Variants in C16orf46 observed in about 807,000 individuals in gnomAD.
C16orf46 encodes the protein uncharacterized protein C16orf46.
A neutral mutation model predicts 5.5 loss-of-function variants in C16orf46; 7 were observed. The observed-to-expected ratio is 1.28, with a 90% CI of 0.73 to 2.40. C16orf46 has a LOEUF of 2.40. C16orf46 is among the 30% of genes most tolerant of loss of function. The pLI is 0.00. For missense variants in C16orf46, 614 were observed against 476.0 expected, an observed-to-expected ratio of 1.29 and a Z score of -2.70; for synonymous variants, 200 against 184.1, an observed-to-expected ratio of 1.09 and a Z score of -0.70.
At chr16:81,063,415 G>A (rs1326814597) in intron 3 of C16orf46, among the ~76,000 whole-genome samples, 1 of 152,086 alleles carries the variant, frequency 6.6e-6, no homozygotes, top group Non-Finnish European at 1.5e-5. Flanking sequence ...GGGTGATCTC[G>A]AGCATGTAAC....
chr16:81,062,943 T>C (rs1347688616), intron 3 of C16orf46, among the ~76,000 whole-genome samples: 2 of 150,260 alleles, frequency 1.3e-5, no homozygotes, highest in African/African-American at 4.9e-5. Context: ...ATTCTATGAA[T>C]TGTTTAAGAG....
exon 4 of C16orf46, chr16:81,053,833 T>A (rs975787493): frequency 6.3e-6 from 3 of 477,350 alleles, no homozygotes; most frequent in Non-Finnish European, 1.1e-5. Flanking sequence ...CCTCTGCATA[T>A]AACCTCTTTT....
Position 81,061,443 on chromosome 16 carries a change from G to A in C16orf46, c.906C>T (p.Ser302=). Reference sequence around the variant, plus strand: ...ACGCCAGGTTTTTCTCAGACAGGAGGGACCAATGCAGGCAGCGCTGCTCCG... The same window carrying A: ...ACGCCAGGTTTTTCTCAGACAGGAGAGACCAATGCAGGCAGCGCTGCTCCG... ...TDPEQRCLHW[S]LLSEKNLACP... is the part of the protein sequence containing the mutation. Residue 302 remains serine, a synonymous_variant, in exon 4 of 4, where the codon TCC becomes TCT. Transcript: ENST00000299578. 1 of 1,614,140 alleles carries A rather than the reference G, an allele frequency of 6.2e-7. No individual in the cohort carries two copies. Among genetic ancestry groups the A allele is most frequent in the Middle Eastern group, 1.6e-4 (1 of 6,062 alleles).
downstream of C16orf46, chr16:81,060,793 C>T (rs188843093): frequency 2.2e-5 from 5 of 224,206 alleles, no homozygotes; most frequent in South Asian, 4.0e-4. Flanking sequence ...GGCTGACGTG[C>T]GGCCAGCATG....
At chr16:81,056,012 C>T (rs951002246), downstream of C16orf46, 13 of 152,196 alleles carry the variant, frequency 8.5e-5, no homozygotes, top group South Asian at 6.2e-4. Flanking sequence ...GCCACAATGC[C>T]CAGCCAACTG....
chr16:81,068,699 G>A (rs1476683213), intron 1 of C16orf46, among the ~76,000 whole-genome samples: 1 of 147,332 alleles, frequency 6.8e-6, no homozygotes, highest in African/African-American at 2.5e-5. Flanking sequence ...GCCTTTCTTT[G>A]TAACATATAT....
downstream of C16orf46, among the ~76,000 whole-genome samples, chr16:81,059,528 G>A (rs933092331): frequency 2.0e-5 from 3 of 151,972 alleles, no homozygotes; most frequent in Non-Finnish European, 2.9e-5. Context: ...ATCACAGAAC[G>A]GTTCATCAGA....
At chr16:81,068,212 T>C (rs1489630659) in intron 1 of C16orf46, among the ~76,000 whole-genome samples, 2 of 152,182 alleles carry the variant, frequency 1.3e-5, no homozygotes, top group South Asian at 2.1e-4. Flanking sequence ...AACCAATCTA[T>C]AGAGTATGAA....
intron 1 of C16orf46, among the ~76,000 whole-genome samples, chr16:81,067,678 G>T (rs144263795): frequency 6.6e-6 from 1 of 151,914 alleles, no homozygotes; most frequent in South Asian, 2.1e-4. Flanking sequence ...TCAGCCTCCC[G>T]AGTAGCTGGG....
downstream of C16orf46, among the ~76,000 whole-genome samples, chr16:81,057,516 C>A (rs1971333784): frequency 7.1e-6 from 1 of 140,964 alleles, no homozygotes; most frequent in Admixed American, 7.4e-5. Context: ...GCCAGCCTGG[C>A]CCACAGAGGA....
downstream of C16orf46, among the ~76,000 whole-genome samples, chr16:81,060,090 A>C (rs1360053938): frequency 6.6e-6 from 1 of 151,774 alleles, no homozygotes; most frequent in African/African-American, 2.4e-5. Flanking sequence ...GCCCGGCCCC[A>C]AAAAGTAATT....
intron 1 of C16orf46, among the ~76,000 whole-genome samples, chr16:81,067,184 T>C (rs888163353): frequency 1.3e-5 from 2 of 152,110 alleles, no homozygotes; most frequent in Non-Finnish European, 2.9e-5. Context: ...ATCCAGAAAA[T>C]ACCTTTTCTA....
At chr16:81,076,910 C>T (rs1350180286) in intron 1 of C16orf46, 2 of 152,360 alleles carry the variant, frequency 1.3e-5, no homozygotes, top group Admixed American at 6.5e-5. Context: ...GAATTCCTCC[C>T]CGTCCTCCGT....
intron 1 of C16orf46, among the ~76,000 whole-genome samples, chr16:81,070,209 AAAG>A (rs1464244040): frequency 7.2e-5 from 11 of 152,216 alleles, no homozygotes; most frequent in African/African-American, 1.4e-4. Flanking sequence ...TTGAAAGGTT[AAAG>A]AAGAAGTTGT....
At chr16:81,060,857 T>C (rs930680132), downstream of C16orf46, 26 of 514,800 alleles carry the variant, frequency 5.1e-5, no homozygotes, top group Non-Finnish European at 6.8e-5. Flanking sequence ...CTGCTGGGAG[T>C]GGACATGAAG....
chr16:81,056,100 C>T (rs922422411), downstream of C16orf46: 1 of 152,316 alleles, frequency 6.6e-6, no homozygotes, highest in East Asian at 1.9e-4. Context: ...TTGATATATA[C>T]ATATGAAGCA....
chr16:81,062,711 G>A (rs1386669186), intron 3 of C16orf46, among the ~76,000 whole-genome samples: 1 of 151,808 alleles, frequency 6.6e-6, no homozygotes, highest in Non-Finnish European at 1.5e-5. Flanking sequence ...CCCCATACAC[G>A]CCCAGAGTCC....
intron 3 of C16orf46, among the ~76,000 whole-genome samples, 156 bp downstream of exon 3, chr16:81,063,590 C>G (rs554054588): frequency 2.3e-4 from 35 of 152,304 alleles, no homozygotes; most frequent in African/African-American, 8.2e-4. Context: ...AGGTGCTGCT[C>G]TTATCATCAG....
intron 3 of C16orf46, among the ~76,000 whole-genome samples, chr16:81,054,923 C>T (rs1231753714): frequency 1.3e-5 from 2 of 152,208 alleles, no homozygotes; most frequent in Non-Finnish European, 2.9e-5. Flanking sequence ...GCTGGGATTA[C>T]AGGTGTGAGC....
Sources: allele counts gnomAD v4.1 joint callset (sites outside exome capture counted in the v4.1 genomes callset), GRCh38; gene constraint gnomAD v4.1.1; transcripts MANE v1.5; gene names NCBI Gene and HGNC (gene_info 2026-07-23, HGNC 2026-07-21).